The following PGR variants were observed in gnomAD, a reference collection of about 807,000 sequenced individuals.
PGR encodes nuclear receptor subfamily 3 group C member 3.
Under a neutral mutation model 76.1 loss-of-function variants are expected in PGR, and 25 were observed. The observed-to-expected ratio is 0.33, with a 90% CI of 0.24 to 0.46. PGR has a LOEUF of 0.46. PGR is among the 20% of genes least tolerant of loss of function. The pLI, the probability that PGR is intolerant of heterozygous loss-of-function variation, is 1.00. For missense variants in PGR, 1,172 were observed against 1,225.3 expected, an observed-to-expected ratio of 0.96 and a Z score of 0.65; for synonymous variants, 579 against 535.0, an observed-to-expected ratio of 1.08 and a Z score of -1.14.
chr11:101,074,938 A>G (rs1472686736), intron 3 of PGR, among the ~76,000 whole-genome samples: 1 of 152,202 alleles, frequency 6.6e-6, no homozygotes, highest in African/African-American at 2.4e-5. Context: ...CCAACAAGCT[A>G]ACATTGACTT....
intron 3 of PGR, among the ~76,000 whole-genome samples, chr11:101,067,060 TG>T (rs1431016728): frequency 6.6e-6 from 1 of 152,170 alleles, no homozygotes; most frequent in Non-Finnish European, 1.5e-5. Context: ...AACTTACCCT[TG>T]CATAGATGGT....
chr11:101,106,563 CA>C (rs1862169192), intron 2 of PGR, among the ~76,000 whole-genome samples: 1 of 152,120 alleles, frequency 6.6e-6, no homozygotes, highest in Admixed American at 6.5e-5. Context: ...AGTCAGGAAA[CA>C]ACAGATGCTG....
At chr11:101,071,852 T>C (rs1204066640) in intron 3 of PGR, among the ~76,000 whole-genome samples, 19 of 152,256 alleles carry the variant, frequency 1.2e-4, no homozygotes, top group African/African-American at 1.9e-4. Context: ...TTACGTTTGA[T>C]TGGTGTACCT....
chr11:101,128,441 C>T lies in PGR; in HGVS notation c.630G>A (p.Val210=), dbSNP rs1455692280. ...SESPHWSGAP[V]KPSPQAAAVE... ...CCGCAGCGGCCTGCGGAGACGGCTT[C>T]ACTGGGGCCCCGGACCAGTGAGGGC... is the stretch of plus-strand genomic sequence containing the variant. Residue 210 remains valine, a synonymous_variant, in exon 1 of 8, where the codon GTG becomes GTA. Coordinates refer to ENST00000325455, the MANE Select transcript of PGR (RefSeq NM_000926.4). The T allele has an allele frequency of 1.1e-5, 17 of 1,610,364 alleles. No individual in the cohort carries two copies. Among genetic ancestry groups the T allele is most frequent in the Non-Finnish European group, 1.4e-5 (17 of 1,179,798 alleles).
At chr11:101,118,865 G>C (rs1309271854) in intron 2 of PGR, among the ~76,000 whole-genome samples, 2 of 152,190 alleles carry the variant, frequency 1.3e-5, no homozygotes, top group Admixed American at 1.3e-4. Context: ...AAGATATACA[G>C]AGTATGTGAC....
At chr11:101,053,174 T>C (rs537762738) in intron 4 of PGR, among the ~76,000 whole-genome samples, 4 of 152,296 alleles carry the variant, frequency 2.6e-5, no homozygotes, top group Admixed American at 1.3e-4. Flanking sequence ...AAAAATCCAC[T>C]GATGTTCTTA....
intron 2 of PGR, among the ~76,000 whole-genome samples, chr11:101,093,529 C>T (rs476852): frequency 0.24 from 37,222 of 152,028 alleles, 5,679 homozygotes; most frequent in Non-Finnish European, 0.35. Flanking sequence ...GGCACAGTCT[C>T]GGCTCACCAC....
At chr11:101,055,466 A>C (rs1269291256) in intron 4 of PGR, among the ~76,000 whole-genome samples, 1 of 150,404 alleles carries the variant, frequency 6.6e-6, no homozygotes, top group Non-Finnish European at 1.5e-5. Context: ...GTTCGTTTTC[A>C]TTAATCAGAT....
intron 3 of PGR, among the ~76,000 whole-genome samples, chr11:101,089,731 C>A (rs11571192): frequency 1.3e-5 from 2 of 150,706 alleles, no homozygotes; most frequent in Admixed American, 6.6e-5. Flanking sequence ...GAGGGAGGGA[C>A]GGAAAGGAGG....
At chr11:101,040,903 A>G (rs140905789) in intron 7 of PGR, among the ~76,000 whole-genome samples, 15 of 152,076 alleles carry the variant, frequency 9.9e-5, no homozygotes, top group Non-Finnish European at 1.9e-4. Context: ...TAAATTTACT[A>G]TAACTCTTCT....
Position 101,034,138 on chromosome 11 carries a change from C to G in PGR, c.*4978G>C, listed in dbSNP as rs1277912788. 1 of 229,312 alleles carries G rather than the reference C, an allele frequency of 4.4e-6. No individual in the cohort carries two copies. The highest frequency in any genetic ancestry group is 8.7e-6 in the Non-Finnish European group (1 of 115,580). 14.2% of individuals were successfully genotyped at this position (229,312 alleles called of 1,614,324 possible). ...TGCTTTATCGGTTAAAGCTTTCAACCAGCTTAAAAATAATGCCTCTCCCAT... is the reference window on the plus strand; with the variant it reads ...TGCTTTATCGGTTAAAGCTTTCAACGAGCTTAAAAATAATGCCTCTCCCAT... On this transcript the variant is annotated 3_prime_UTR_variant, in exon 8 of 8. Coordinates refer to ENST00000325455, the MANE Select transcript of PGR (RefSeq NM_000926.4).
At position 101,032,148 on chromosome 11, in the gene PGR, G is replaced by T. The variant is rs1204991712; in HGVS notation, c.*6968C>A. On this transcript the variant is annotated 3_prime_UTR_variant, in exon 8 of 8. Transcript: ENST00000325455. Reference sequence around the variant, plus strand: ...GGCCTTGTGTTTGACAATTTATATGGTGTATTTCATCTCCTTTCGTCAGTC... The same window carrying T: ...GGCCTTGTGTTTGACAATTTATATGTTGTATTTCATCTCCTTTCGTCAGTC... The T allele has an allele frequency of 2.1e-5, 5 of 232,660 alleles. No individual in the cohort carries two copies. Among genetic ancestry groups the T allele is most frequent in the Non-Finnish European group, 4.2e-5 (5 of 117,812 alleles). 14.4% of individuals were successfully genotyped at this position (232,660 alleles called of 1,614,324 possible).
chr11:101,046,054 T>G (rs906652769), intron 6 of PGR, among the ~76,000 whole-genome samples: 3 of 151,844 alleles, frequency 2.0e-5, no homozygotes, highest in Middle Eastern at 3.2e-3. Context: ...TGTAAAATCA[T>G]TTTTTCTTAA....
At chr11:101,118,325 T>C (rs890824421) in intron 2 of PGR, among the ~76,000 whole-genome samples, 2 of 152,210 alleles carry the variant, frequency 1.3e-5, no homozygotes, top group African/African-American at 4.8e-5. Context: ...ACTCAATAAA[T>C]GATAACCATT....
chr11:101,090,930 T>C (rs1448461777), intron 3 of PGR, among the ~76,000 whole-genome samples: 1 of 152,202 alleles, frequency 6.6e-6, no homozygotes, highest in Non-Finnish European at 1.5e-5. Context: ...ACAACGTCCA[T>C]GGAACACAAG....
At chr11:101,081,554 A>G (rs1302421373) in intron 3 of PGR, among the ~76,000 whole-genome samples, 10 of 152,214 alleles carry the variant, frequency 6.6e-5, no homozygotes, top group African/African-American at 2.2e-4. Flanking sequence ...TCAGGATAAT[A>G]ACAGATTTCT....
At chr11:101,056,514 G>T (rs1860297218) in intron 4 of PGR, among the ~76,000 whole-genome samples, 1 of 150,584 alleles carries the variant, frequency 6.6e-6, no homozygotes, top group African/African-American at 2.5e-5. Flanking sequence ...CTGTAGTGCT[G>T]GGGAGGCTGA....
At chr11:101,089,166 C>G (rs960912925) in intron 3 of PGR, among the ~76,000 whole-genome samples, 2 of 152,078 alleles carry the variant, frequency 1.3e-5, no homozygotes, top group African/African-American at 4.8e-5. Context: ...CATGTACCCA[C>G]TGAAGCTAAA....
At chr11:101,039,367 T>C (rs1467481836) in intron 7 of PGR, 96 bp from the exon 8 acceptor site, 9 of 914,836 alleles carry the variant, frequency 9.8e-6, no homozygotes, top group Non-Finnish European at 1.4e-5. Context: ...CTATTTATAA[T>C]ATAAATACTT....
Sources: allele counts gnomAD v4.1 joint callset (sites outside exome capture counted in the v4.1 genomes callset), GRCh38; gene constraint gnomAD v4.1.1; transcripts MANE v1.5; gene names NCBI Gene and HGNC (gene_info 2026-07-23, HGNC 2026-07-21).